The following KIF13B variants were observed in gnomAD, a reference collection of about 807,000 sequenced individuals.
The protein encoded by KIF13B is kinesin family member 13B.
A neutral mutation model predicts 222.0 loss-of-function variants in KIF13B; 127 were observed. The observed-to-expected ratio is 0.57, with a 90% CI of 0.50 to 0.66. The LOEUF is 0.66. Among genes scored for constraint, KIF13B ranks in the 30% least tolerant of loss-of-function variants. The pLI, the probability that KIF13B is intolerant of heterozygous loss-of-function variation, is 0.00. For synonymous variants in KIF13B, 976 were observed against 919.0 expected (o/e 1.06, Z -1.12); for missense variants, 2,173 against 2,379.0 (o/e 0.91, Z 1.80).
At chr8:29,121,673 A>C (rs1325914869) in intron 29 of KIF13B, among the ~76,000 whole-genome samples, 1 of 141,784 alleles carries the variant, frequency 7.1e-6, no homozygotes, top group Non-Finnish European at 1.5e-5. Flanking sequence ...AAAACACCAA[A>C]AGCAATGGCA....
At chr8:29,087,764 G>A (rs576462750) in intron 37 of KIF13B, among the ~76,000 whole-genome samples, 3 of 152,256 alleles carry the variant, frequency 2.0e-5, no homozygotes, top group South Asian at 4.2e-4. Context: ...GTAGAATGAC[G>A]AAGCGTTTCC....
At chr8:29,240,394 G>C (rs2130629572) in intron 2 of KIF13B, among the ~76,000 whole-genome samples, 1 of 151,758 alleles carries the variant, frequency 6.6e-6, no homozygotes, top group Middle Eastern at 3.4e-3. Context: ...AGAAATACAA[G>C]GGAAAGAAGA....
At chr8:29,150,420 C>A in intron 14 of KIF13B, 37 bp from the exon 15 acceptor site, 1 of 982,830 alleles carries the variant, frequency 1.0e-6, no homozygotes, top group South Asian at 1.4e-5. Flanking sequence ...ATGATGAGTA[C>A]AGTATCATGT....
intron 2 of KIF13B, among the ~76,000 whole-genome samples, chr8:29,241,146 A>G (rs1465737043): frequency 6.6e-6 from 1 of 152,246 alleles, no homozygotes; most frequent in Non-Finnish European, 1.5e-5. Flanking sequence ...AAATGCTACG[A>G]AGTGGATAAA....
At chr8:29,146,072 C>A (rs906648154) in intron 18 of KIF13B, 9 of 554,062 alleles carry the variant, frequency 1.6e-5, no homozygotes, top group Non-Finnish European at 2.5e-5. Context: ...AAAAGACATT[C>A]GGGGAAGATT....
At chr8:29,173,891 C>T (rs1273423215) in intron 10 of KIF13B, among the ~76,000 whole-genome samples, 1 of 146,914 alleles carries the variant, frequency 6.8e-6, no homozygotes, top group Non-Finnish European at 1.5e-5. Flanking sequence ...TGCAGTGAGC[C>T]GAGACTGCGC....
intron 2 of KIF13B, among the ~76,000 whole-genome samples, chr8:29,204,786 G>A (rs550615415): frequency 4.0e-5 from 6 of 150,550 alleles, no homozygotes; most frequent in East Asian, 1.9e-4. Flanking sequence ...AAAAAAAGGC[G>A]GATTAAGATA....
intron 21 of KIF13B, among the ~76,000 whole-genome samples, chr8:29,136,963 C>A (rs1810589610): frequency 6.6e-6 from 1 of 151,846 alleles, no homozygotes; most frequent in Non-Finnish European, 1.5e-5. Flanking sequence ...CCACGCCCGG[C>A]TAATTTTTTT....
chr8:29,155,731 GTTC>G lies in KIF13B; in HGVS notation c.1527_1529del (p.Lys509del). The G allele has an allele frequency of 6.2e-7, 1 of 1,604,584 alleles. No individual in the cohort carries two copies. Among genetic ancestry groups the G allele is most frequent in the Non-Finnish European group, 8.5e-7 (1 of 1,174,940 alleles). On this transcript the variant is annotated inframe_deletion, in exon 14 of 40. Transcript: ENST00000524189. ...CACTAATTCAAGTATGTTACCTGGT[GTTC>G]TTCTGAGGAGTCAGCATAACCTGGC...
chr8:29,191,161 C>A, intron 3 of KIF13B, 104 bp from the exon 4 acceptor site: 1 of 799,008 alleles, frequency 1.3e-6, no homozygotes, highest in South Asian at 1.8e-5. Flanking sequence ...AACTTACTGT[C>A]ATACAATGGG....
intron 32 of KIF13B, chr8:29,110,771 C>G (rs1404311002): frequency 6.6e-6 from 1 of 152,204 alleles, no homozygotes; most frequent in African/African-American, 2.4e-5. Context: ...CAGAAAGAGG[C>G]TTTATTAATG....
rs554304063 is a variant in KIF13B, at chr8:29,206,093, A to T, written c.150-9894T>A. Among the ~76,000 whole-genome samples the T allele has an allele frequency of 1.9e-3, 284 of 147,224 alleles. 3 individuals carry two copies. Among genetic ancestry groups the T allele is most frequent in the African/African-American group, 6.5e-3 (261 of 40,412 alleles). ...ATAACAGAGCAAGACCCCACCTTTT[A>T]AAAAAAAAATGAAATTAACTAATTC... On this transcript the variant is annotated intron_variant, in intron 2 of 39. Coordinates refer to ENST00000524189, the MANE Select transcript of KIF13B (RefSeq NM_015254.4).
intron 1 of KIF13B, among the ~76,000 whole-genome samples, chr8:29,248,248 T>C (rs1396425414): frequency 6.6e-6 from 1 of 152,194 alleles, no homozygotes; most frequent in Admixed American, 6.5e-5. Flanking sequence ...GTACCATTAT[T>C]TGGATACTCA....
chr8:29,230,499 A>T (rs1430505924), intron 2 of KIF13B, among the ~76,000 whole-genome samples: 2 of 152,210 alleles, frequency 1.3e-5, no homozygotes, highest in East Asian at 3.9e-4. Flanking sequence ...CCAGCTCAAC[A>T]CACAGCAAGA....
At chr8:29,157,404 A>AG (rs1323731273) in intron 13 of KIF13B, among the ~76,000 whole-genome samples, 1 of 150,940 alleles carries the variant, frequency 6.6e-6, no homozygotes, top group East Asian at 1.9e-4. Flanking sequence ...AAAAAAAAAA[A>AG]AAAAAAAAAA....
intron 32 of KIF13B, chr8:29,110,533 T>C (rs1033540823): frequency 1.2e-5 from 2 of 160,390 alleles, no homozygotes; most frequent in Non-Finnish European, 2.7e-5. Context: ...ATAGTGGACA[T>C]AGGGTTTCAG....
chr8:29,122,169 G>A (rs1274618954), intron 29 of KIF13B, among the ~76,000 whole-genome samples: 5 of 152,146 alleles, frequency 3.3e-5, no homozygotes, highest in Admixed American at 3.3e-4. Context: ...CAGGAGAACC[G>A]CTTGAACCGG....
chr8:29,141,978 A>T (rs1810837129), intron 19 of KIF13B, among the ~76,000 whole-genome samples, 179 bp downstream of exon 19: 1 of 152,210 alleles, frequency 6.6e-6, no homozygotes, highest in East Asian at 1.9e-4. Context: ...GATACCAGAA[A>T]GAGAGATTAT....
At chr8:29,096,339 G>T (rs138397136) in intron 36 of KIF13B, among the ~76,000 whole-genome samples, 2 of 122,056 alleles carry the variant, frequency 1.6e-5, no homozygotes, top group South Asian at 5.5e-4. Context: ...TCACTCTGTC[G>T]CCTAGACCTG....
Sources: allele counts gnomAD v4.1 joint callset (sites outside exome capture counted in the v4.1 genomes callset), GRCh38; gene constraint gnomAD v4.1.1; transcripts MANE v1.5; gene names NCBI Gene and HGNC (gene_info 2026-07-23, HGNC 2026-07-21).